Variants in TLK1 observed in about 807,000 individuals in gnomAD.
TLK1 encodes the protein tousled like kinase 1.
TLK1 carries 24 observed loss-of-function variants against 105.3 expected under a neutral mutation model. The observed-to-expected ratio is 0.23, with a 90% CI of 0.17 to 0.32. TLK1 has a LOEUF of 0.32. Ranked by LOEUF, TLK1 falls within the 10% of genes least tolerant of loss-of-function variation. TLK1 has a pLI of 1.00. For synonymous variants in TLK1, 321 were observed against 310.4 expected (o/e 1.03, Z -0.36); for missense variants, 558 against 910.5 (o/e 0.61, Z 4.98).
chr2:171,015,031 T>A, intron 12 of TLK1, 83 bp from the exon 13 acceptor site: 3 of 1,007,388 alleles, frequency 3.0e-6, no homozygotes, highest in Non-Finnish European at 3.1e-6. Flanking sequence ...ATCAATGTTT[T>A]ACAGTGATGG....
chr2:171,047,783 T>C (rs1033691578), intron 10 of TLK1, among the ~76,000 whole-genome samples: 3 of 152,220 alleles, frequency 2.0e-5, no homozygotes, highest in Admixed American at 6.5e-5. Flanking sequence ...TACTCAGGGA[T>C]GACTATACAG....
intron 20 of TLK1, chr2:170,994,796 G>C (rs1260226505): frequency 1.6e-5 from 7 of 439,320 alleles, no homozygotes; most frequent in Non-Finnish European, 2.7e-5. Context: ...TATAAATTAT[G>C]TTCTCCTTTG....
chr2:171,040,945 A>G (rs982009802), intron 11 of TLK1, among the ~76,000 whole-genome samples: 5 of 152,182 alleles, frequency 3.3e-5, no homozygotes, highest in African/African-American at 1.2e-4. Context: ...CTTCAATAAT[A>G]TATGAGGTAA....
At chr2:171,135,262 G>A (rs986738801) in intron 1 of TLK1, among the ~76,000 whole-genome samples, 3 of 151,612 alleles carry the variant, frequency 2.0e-5, no homozygotes, top group Non-Finnish European at 4.4e-5. Flanking sequence ...TGACCGATAT[G>A]TTAATTAGCT....
intron 12 of TLK1, among the ~76,000 whole-genome samples, chr2:171,027,546 C>T (rs1685831518): frequency 6.6e-6 from 1 of 152,174 alleles, no homozygotes; most frequent in Non-Finnish European, 1.5e-5. Context: ...TATACTATCA[C>T]TAAGTGCTTT....
intron 1 of TLK1, among the ~76,000 whole-genome samples, chr2:171,135,577 G>A (rs1422317359): frequency 1.3e-5 from 2 of 151,894 alleles, no homozygotes; most frequent in Admixed American, 6.6e-5. Context: ...GAGGAGGGTG[G>A]ATCACCTGAG....
At chr2:171,035,481 C>G (rs1197016097) in intron 11 of TLK1, among the ~76,000 whole-genome samples, 1 of 152,146 alleles carries the variant, frequency 6.6e-6, no homozygotes, top group East Asian at 1.9e-4. Context: ...TCCATTAAAC[C>G]TCTTTCTTTT....
At chr2:171,178,069 A>G (rs1558981821) in intron 1 of TLK1, among the ~76,000 whole-genome samples, 1 of 152,216 alleles carries the variant, frequency 6.6e-6, no homozygotes. Flanking sequence ...AAGTGCTGGG[A>G]TTACAGGCAT....
chr2:171,072,560 C>A (rs1217689297), intron 3 of TLK1, among the ~76,000 whole-genome samples: 3 of 152,058 alleles, frequency 2.0e-5, no homozygotes, highest in African/African-American at 7.2e-5. Context: ...GAGTTTGAGG[C>A]CAGCCTGGCC....
intron 2 of TLK1, among the ~76,000 whole-genome samples, chr2:171,088,707 A>C (rs1689089349): frequency 6.6e-6 from 1 of 152,240 alleles, no homozygotes; most frequent in South Asian, 2.1e-4. Flanking sequence ...CAATGCCTTC[A>C]AAATTCTGAG....
intron 18 of TLK1, among the ~76,000 whole-genome samples, chr2:171,001,379 C>T (rs1241086940): frequency 1.3e-5 from 2 of 152,094 alleles, no homozygotes; most frequent in Non-Finnish European, 2.9e-5. Flanking sequence ...TGTCCAGTAT[C>T]AAAAGAACCT....
At chr2:171,115,623 G>C (rs900244015) in intron 2 of TLK1, among the ~76,000 whole-genome samples, 12 of 152,260 alleles carry the variant, frequency 7.9e-5, no homozygotes, top group African/African-American at 2.9e-4. Flanking sequence ...ACAATTATTA[G>C]ATGAATCAGA....
intron 12 of TLK1, among the ~76,000 whole-genome samples, chr2:171,019,190 A>G (rs1575520147): frequency 6.6e-6 from 1 of 152,190 alleles, no homozygotes; most frequent in Admixed American, 6.5e-5. Context: ...CCAGATCTTC[A>G]GCATAGAAAT....
intron 13 of TLK1, 98 bp downstream of exon 13, chr2:171,014,753 G>T: frequency 2.1e-6 from 2 of 942,102 alleles, no homozygotes; most frequent in Non-Finnish European, 3.3e-6. Flanking sequence ...TTCTAAGTAC[G>T]ATGAGACAAC....
At chr2:171,044,094 A>C (rs959990809) in intron 11 of TLK1, among the ~76,000 whole-genome samples, 20 of 152,202 alleles carry the variant, frequency 1.3e-4, no homozygotes, top group Admixed American at 1.3e-3. Flanking sequence ...GATTAATACT[A>C]TCACCATCTA....
chr2:171,120,535 A>C (rs1238496511), intron 1 of TLK1, among the ~76,000 whole-genome samples: 1 of 152,242 alleles, frequency 6.6e-6, no homozygotes, highest in Non-Finnish European at 1.5e-5. Context: ...AAGCACATGA[A>C]AAGATGCTCA....
intron 1 of TLK1, among the ~76,000 whole-genome samples, chr2:171,222,762 C>T (rs1693831144): frequency 6.6e-6 from 1 of 152,068 alleles, no homozygotes; most frequent in Admixed American, 6.6e-5. Flanking sequence ...CAATTCTACT[C>T]TTCTAGTCAT....
At chr2:171,015,392 C>T (rs974324300) in intron 12 of TLK1, among the ~76,000 whole-genome samples, 2 of 149,608 alleles carry the variant, frequency 1.3e-5, no homozygotes, top group Non-Finnish European at 3.0e-5. Context: ...ATTCTTCCTA[C>T]GCCTTACAGC....
rs889405143 is a variant in TLK1, at chr2:171,103,084, C to G, written c.258+14655G>C. Among the ~76,000 whole-genome samples the G allele has an allele frequency of 2.0e-5, 3 of 151,990 alleles. No individual in the cohort carries two copies. In the East Asian group the frequency reaches 5.8e-4, roughly 29 times the overall value. ...TGTTTGAGGCAAGTGGCAAATAAGA[C>G]AGCAAATAATAACTGCCGTGGTGGG... On this transcript the variant is annotated intron_variant, in intron 2 of 20. Transcript: ENST00000431350.
Sources: allele counts gnomAD v4.1 joint callset (sites outside exome capture counted in the v4.1 genomes callset), GRCh38; gene constraint gnomAD v4.1.1; transcripts MANE v1.5; gene names NCBI Gene and HGNC (gene_info 2026-07-23, HGNC 2026-07-21).